TWIST2: variants seen among roughly 807,000 people sequenced by gnomAD.
The protein encoded by TWIST2 is twist-related protein 2.
Under a neutral mutation model 11.6 loss-of-function variants are expected in TWIST2, and 1 was observed. The observed-to-expected ratio is 0.09, with a 90% CI of 0.03 to 0.41. The LOEUF is 0.41. TWIST2 is among the 10% of genes least tolerant of loss of function. The pLI, the probability that TWIST2 is intolerant of heterozygous loss-of-function variation, is 0.98. For synonymous variants in TWIST2, 87 were observed against 96.6 expected, an observed-to-expected ratio of 0.90 and a Z score of 0.58; for missense variants, 168 against 226.4, an observed-to-expected ratio of 0.74 and a Z score of 1.66.
At chr2:238,877,023 C>T (rs1197213466) in intron 1 of TWIST2, among the ~76,000 whole-genome samples, 1 of 152,146 alleles carries the variant, frequency 6.6e-6, no homozygotes, top group Non-Finnish European at 1.5e-5. Flanking sequence ...GCTGAGACCC[C>T]CGTCTCTACT....
intron 1 of TWIST2, among the ~76,000 whole-genome samples, chr2:238,858,901 G>C (rs549887046): frequency 1.0e-3 from 158 of 152,304 alleles, no homozygotes; most frequent in African/African-American, 3.7e-3. Flanking sequence ...TCGTACAATG[G>C]AATGTAATTC....
intron 1 of TWIST2, among the ~76,000 whole-genome samples, chr2:238,894,801 G>T (rs1693188745): frequency 6.6e-6 from 1 of 152,126 alleles, no homozygotes; most frequent in African/African-American, 2.4e-5. Flanking sequence ...TCTGTGACGA[G>T]CTCTCCAAAC....
intron 1 of TWIST2, among the ~76,000 whole-genome samples, chr2:238,852,963 A>C (rs1008401979): frequency 6.6e-6 from 1 of 152,222 alleles, no homozygotes; most frequent in Admixed American, 6.5e-5. Flanking sequence ...ATCTCAGAGT[A>C]ATAAACTAAA....
At chr2:238,861,034 G>A (rs778142971) in intron 1 of TWIST2, among the ~76,000 whole-genome samples, 1 of 152,194 alleles carries the variant, frequency 6.6e-6, no homozygotes, top group Non-Finnish European at 1.5e-5. Flanking sequence ...CCAGGGAGGA[G>A]GTGCAAAGGG....
intron 1 of TWIST2, among the ~76,000 whole-genome samples, chr2:238,897,614 G>A (rs1022709391): frequency 3.3e-5 from 5 of 152,212 alleles, no homozygotes; most frequent in African/African-American, 9.6e-5. Flanking sequence ...CTTAGAGCTC[G>A]CAGTGCAGAT....
chr2:238,864,593 C>T lies in TWIST2; in HGVS notation c.*35+15860C>T, dbSNP rs1019322485. Among the ~76,000 whole-genome samples, 1 of 152,128 alleles carries T rather than the reference C, an allele frequency of 6.6e-6. No individual in the cohort carries two copies. The highest frequency in any genetic ancestry group is 1.5e-5 in the Non-Finnish European group (1 of 68,024). ...GGGAGAACTAAGGGCACCAGGCAGC[C>T]CACCCGGCCCGGCCAAGACCAGCAG... On this transcript the variant is annotated intron_variant, in intron 1 of 1. Coordinates refer to ENST00000612363, the MANE Select transcript of TWIST2 (RefSeq NM_001271893.4). This position sits in a 1 kb window ranked among gnomAD's most constrained non-coding sequence, Gnocchi z 4.7.
chr2:238,850,632 C>T (rs1692225484), intron 1 of TWIST2, among the ~76,000 whole-genome samples: 1 of 152,122 alleles, frequency 6.6e-6, no homozygotes, highest in East Asian at 1.9e-4. Flanking sequence ...CTTAGAGAAT[C>T]AGCCATAGGT....
intron 1 of TWIST2, among the ~76,000 whole-genome samples, chr2:238,906,528 GCA>G (rs1487330919): frequency 2.6e-5 from 4 of 151,966 alleles, no homozygotes; most frequent in African/African-American, 9.7e-5. Flanking sequence ...ATGCACACTG[GCA>G]CACACACGGG....
intron 1 of TWIST2, among the ~76,000 whole-genome samples, chr2:238,857,924 G>A (rs1219471884): frequency 1.3e-5 from 2 of 152,076 alleles, no homozygotes; most frequent in Non-Finnish European, 2.9e-5. Context: ...GCGACAAAGC[G>A]AGATTTCATC....
At chr2:238,891,313 C>T (rs550026744) in intron 1 of TWIST2, among the ~76,000 whole-genome samples, 30 of 152,332 alleles carry the variant, frequency 2.0e-4, no homozygotes, top group African/African-American at 6.0e-4. Context: ...TGCTTGTGAA[C>T]GGCCTTCAGG....
chr2:238,855,544 C>T lies in TWIST2; in HGVS notation c.*35+6811C>T, dbSNP rs774816373. Among the ~76,000 whole-genome samples, 75 of 152,206 alleles carry T rather than the reference C, an allele frequency of 4.9e-4. 1 individual carries two copies. Among genetic ancestry groups the T allele is most frequent in the Non-Finnish European group, 3.4e-4 (23 of 68,036 alleles). On this transcript the variant is annotated intron_variant, in intron 1 of 1. Transcript: ENST00000612363. Reference sequence around the variant, plus strand: ...CTAGGAGAGAAAGATGTGATCATTTCGCATTCCTTGTTTTCTGTCTGGTGA... The same window carrying T: ...CTAGGAGAGAAAGATGTGATCATTTTGCATTCCTTGTTTTCTGTCTGGTGA...
chr2:238,897,052 C>T, intron 1 of TWIST2, among the ~76,000 whole-genome samples: 1 of 152,304 alleles, frequency 6.6e-6, no homozygotes, highest in Non-Finnish European at 1.5e-5. Flanking sequence ...CTAATTGTTT[C>T]CTGATTCCCA....
chr2:238,901,039 G>T (rs1315649197), intron 1 of TWIST2, among the ~76,000 whole-genome samples: 4 of 149,124 alleles, frequency 2.7e-5, no homozygotes, highest in Non-Finnish European at 5.9e-5. Flanking sequence ...GAGTACAGTG[G>T]CAATCTCAGC....
At chr2:238,894,593 A>C (rs1448642260) in intron 1 of TWIST2, among the ~76,000 whole-genome samples, 1 of 152,090 alleles carries the variant, frequency 6.6e-6, no homozygotes, top group Non-Finnish European at 1.5e-5. Context: ...TGGCCCCCCA[A>C]ACCTTTCCTG....
chr2:238,891,515 G>T (rs1254534998), intron 1 of TWIST2, among the ~76,000 whole-genome samples: 8 of 152,240 alleles, frequency 5.3e-5, no homozygotes. Context: ...CCAGGTGTCT[G>T]TGTTCCAGTG....
At chr2:238,905,900 TGTGCGTGTGTGTGC>T (rs1375272003) in intron 1 of TWIST2, among the ~76,000 whole-genome samples, 2,145 of 119,876 alleles carry the variant, frequency 0.018, 43 homozygotes, top group African/African-American at 0.071. Context: ...CATGCGCGTG[TGTGCGTGTGTGTGC>T]GTGCAGGTGT....
chr2:238,852,149 A>G (rs1166011086), intron 1 of TWIST2, among the ~76,000 whole-genome samples: 1 of 152,356 alleles, frequency 6.6e-6, no homozygotes, highest in African/African-American at 2.4e-5. Context: ...AAAAGAAAAA[A>G]AAACACCACA....
At chr2:238,853,448 G>GGAGAGAGAGAGAGAGAGAGA (rs375821278) in intron 1 of TWIST2, among the ~76,000 whole-genome samples, 1 of 130,634 alleles carries the variant, frequency 7.7e-6, no homozygotes, top group Non-Finnish European at 1.6e-5. Flanking sequence ...AGGGAGAGAT[G>GGAGAGAGAGAGAGAGAGAGA]GAGAGAGAGA....
rs1341278512 is a variant in TWIST2, at chr2:238,896,051, C to T, written c.*36-13791C>T. ...CCAGGCCAATAGCCACCGGGAGCCC[C>T]GGCGTTGTAAATATGGTCATTCCCA... is the stretch of plus-strand genomic sequence containing the variant. On this transcript the variant is annotated intron_variant, in intron 1 of 1. Transcript: ENST00000612363. 4.6e-5 allele frequency among the ~76,000 whole-genome samples: 7 copies of T among 152,288 alleles called. No homozygotes were observed. The South Asian group carries it at 6.2e-4, about 14-fold the overall frequency.
Sources: gnomAD v4.1 joint callset for allele counts (sites outside exome capture counted in the v4.1 genomes callset) on GRCh38, gnomAD v4.1.1 for gene constraint, Gnocchi (gnomAD v3.1) non-coding constraint, MANE v1.5 for transcripts, NCBI Gene and HGNC (gene_info 2026-07-23, HGNC 2026-07-21) for gene names.